Variants in STX18 observed in about 807,000 individuals in gnomAD.
STX18 encodes syntaxin 18.
Under a neutral mutation model 50.1 loss-of-function variants are expected in STX18, and 40 were observed. The observed-to-expected ratio is 0.80, with a 90% confidence interval of 0.62 to 1.04. The LOEUF (loss-of-function observed/expected upper bound fraction) is 1.04, where lower values mean the gene tolerates loss of function less well. Among genes scored for constraint, STX18 ranks in the 50% least tolerant of loss-of-function variants. STX18 has a pLI of 0.00. For synonymous variants in STX18, 158 were observed against 151.8 expected (o/e 1.04, Z -0.30); for missense variants, 410 against 415.8 (o/e 0.99, Z 0.12).
At chr4:4,526,458 G>A (rs1413150163) in intron 1 of STX18, among the ~76,000 whole-genome samples, 1 of 152,182 alleles carries the variant, frequency 6.6e-6, no homozygotes, top group Admixed American at 6.5e-5. Context: ...CAGTCAGGGT[G>A]GAGGAGCTCT....
At position 4,445,196 on chromosome 4, in the gene STX18, C is replaced by G. The variant is rs569459453; in HGVS notation, c.498-6687G>C. On this transcript the variant is annotated intron_variant, in intron 5 of 10. Coordinates refer to ENST00000306200, the MANE Select transcript of STX18 (RefSeq NM_016930.4). ...GCAGGTGGATCACCTGAGGTGAGGT[C>G]AGGAGTTCAAGAACAGCCTGGCCAA... Among the ~76,000 whole-genome samples, 13 of 152,188 alleles carry G rather than the reference C, an allele frequency of 8.5e-5. No individual in the cohort carries two copies. In the South Asian group the frequency reaches 2.7e-3, roughly 32 times the overall value.
intron 1 of STX18, among the ~76,000 whole-genome samples, chr4:4,490,025 T>A (rs1298696369): frequency 6.6e-6 from 1 of 152,170 alleles, no homozygotes; most frequent in African/African-American, 2.4e-5. Flanking sequence ...TGAAACACCA[T>A]ACATACAAAA....
rs563034305 is a variant in STX18, at chr4:4,492,960, C to T, written c.169-21254G>A. 7.2e-5 allele frequency among the ~76,000 whole-genome samples: 11 copies of T among 152,238 alleles called. No homozygotes were observed. In the South Asian group the frequency reaches 1.9e-3, roughly 26 times the overall value. ...ACATGAGATTTAAAATTCATGGCTT[C>T]AGATTTTTCTCTGCATAATAAATAA... On this transcript the variant is annotated intron_variant, in intron 1 of 10. Transcript: ENST00000306200.
chr4:4,535,043 CCTA>C (rs1316038488), intron 1 of STX18, among the ~76,000 whole-genome samples: 1 of 152,200 alleles, frequency 6.6e-6, no homozygotes, highest in African/African-American at 2.4e-5. Context: ...CCCAAACTGC[CCTA>C]CTGTTGTGTG....
intron 1 of STX18, among the ~76,000 whole-genome samples, chr4:4,490,264 C>G (rs1407827090): frequency 6.6e-6 from 1 of 152,130 alleles, no homozygotes; most frequent in Admixed American, 6.5e-5. Context: ...AGCATGACCA[C>G]TATTTTCAAA....
intron 7 of STX18, chr4:4,425,562 T>A (rs1725205039): frequency 5.3e-6 from 2 of 374,252 alleles, no homozygotes; most frequent in Admixed American, 3.9e-5. Context: ...GTACCATTAT[T>A]AAGAAAATTC....
upstream of STX18, chr4:4,542,256 C>G: frequency 3.1e-6 from 1 of 318,560 alleles, no homozygotes. Context: ...GCGAGCTCTT[C>G]TGTGTCTGTT....
intron 1 of STX18, among the ~76,000 whole-genome samples, chr4:4,504,280 G>GT (rs1338774826): frequency 3.3e-5 from 5 of 152,086 alleles, no homozygotes; most frequent in African/African-American, 1.2e-4. Context: ...GGAAGGGAGT[G>GT]TTTTAATCAG....
chr4:4,466,168 G>A (rs1339314089), intron 2 of STX18, among the ~76,000 whole-genome samples: 2 of 152,150 alleles, frequency 1.3e-5, no homozygotes, highest in Non-Finnish European at 2.9e-5. Flanking sequence ...ATGGCTTTCA[G>A]ATAGGAAGGC....
intron 7 of STX18, chr4:4,426,058 C>G (rs1316575233): frequency 8.5e-5 from 13 of 152,240 alleles, no homozygotes; most frequent in Non-Finnish European, 4.4e-5. Flanking sequence ...CTCCCCGATG[C>G]ATCCCGCAGG....
chr4:4,496,225 G>A (rs943485983), intron 1 of STX18, among the ~76,000 whole-genome samples: 9 of 152,226 alleles, frequency 5.9e-5, no homozygotes, highest in South Asian at 2.1e-4. Flanking sequence ...AAATAGCAAC[G>A]CCAGTGGTAA....
rs1248144828 is a variant in STX18, at chr4:4,459,489, TA to T, written c.237-3del. 3.1e-6 allele frequency: 5 copies of T among 1,605,572 alleles called. No homozygotes were observed. The highest frequency in any genetic ancestry group is 2.6e-6 in the Non-Finnish European group (3 of 1,172,558). On this transcript the variant is annotated splice_polypyrimidine_tract_variant and splice_region_variant and intron_variant, in intron 2 of 10. Transcript: ENST00000306200. ...CTCCCATATTCAGACATGGTATGGC[TA>T]AAAAAAGACAGCAAAGGAAAGGGCA... is the stretch of plus-strand genomic sequence containing the variant.
chr4:4,531,150 T>TTTACAC (rs1295393535), intron 1 of STX18, among the ~76,000 whole-genome samples: 1 of 125,212 alleles, frequency 8.0e-6, no homozygotes. Flanking sequence ...ATGGATAAAA[T>TTTACAC]TTACACACAC....
chr4:4,468,540 C>T (rs1424128633), intron 2 of STX18, among the ~76,000 whole-genome samples: 3 of 152,092 alleles, frequency 2.0e-5, no homozygotes, highest in South Asian at 2.1e-4. Context: ...ACCTTCCTTT[C>T]GTCCTTGTTA....
intron 1 of STX18, among the ~76,000 whole-genome samples, chr4:4,537,123 C>A (rs574059210): frequency 4.6e-5 from 7 of 152,158 alleles, no homozygotes; most frequent in Non-Finnish European, 7.4e-5. Flanking sequence ...GGTAGCCCCC[C>A]CTGGCTCCTG....
intron 5 of STX18, among the ~76,000 whole-genome samples, chr4:4,442,319 A>G (rs1353928280): frequency 6.6e-6 from 1 of 151,906 alleles, no homozygotes; most frequent in Non-Finnish European, 1.5e-5. Flanking sequence ...TGAACCACAC[A>G]TATGAAAAAA....
rs781043087 is a variant in STX18 at position 4,425,372 on chromosome 4, A to T, written c.703-150T>A. The T allele has an allele frequency of 4.4e-6, 3 of 683,682 alleles. No homozygotes were observed. In the East Asian group the frequency reaches 8.0e-5, roughly 18 times the overall value. The allele number at this position is 683,682 out of a possible 1,614,324, so 42.4% of individuals were successfully genotyped here. A position where few individuals can be genotyped will look rare whatever the true frequency, so the allele number is the denominator to read the frequency against. On this transcript the variant is annotated intron_variant, in intron 7 of 10. Coordinates refer to ENST00000306200, the MANE Select transcript of STX18 (RefSeq NM_016930.4). Reference sequence around the variant, plus strand: ...CAGCCGGTGCTGGACGACCGTTAGCATTAGTGTGAACAACGTCCCTGCTTT... The same window carrying T: ...CAGCCGGTGCTGGACGACCGTTAGCTTTAGTGTGAACAACGTCCCTGCTTT...
intron 8 of STX18, 125 bp from the exon 9 acceptor site, chr4:4,423,712 C>T (rs1313274764): frequency 1.8e-5 from 17 of 933,478 alleles, no homozygotes; most frequent in African/African-American, 5.0e-5. Context: ...CACACTGTGT[C>T]GGCTGGGGGA....
At chr4:4,527,338 G>A (rs1232823625) in intron 1 of STX18, among the ~76,000 whole-genome samples, 1 of 152,146 alleles carries the variant, frequency 6.6e-6, no homozygotes, top group African/African-American at 2.4e-5. Context: ...TTGAGTGTGG[G>A]TAATAAATGC....
Sources: allele counts gnomAD v4.1 joint callset (sites outside exome capture counted in the v4.1 genomes callset), GRCh38; gene constraint gnomAD v4.1.1; transcripts MANE v1.5; gene names NCBI Gene and HGNC (gene_info 2026-07-23, HGNC 2026-07-21).